Variants in KNDC1 observed in about 807,000 individuals in gnomAD.
KNDC1 encodes the protein kinase non-catalytic C-lobe domain containing 1, also known as kinase non-catalytic C-lobe domain-containing protein 1.
In KNDC1, 106 loss-of-function variants were observed where a neutral mutation model predicts 172.8. The ratio of observed to expected loss-of-function variants is 0.61; its 90% CI spans 0.52 to 0.72. KNDC1 has a LOEUF of 0.72. Ranked by LOEUF, KNDC1 falls within the 30% of genes least tolerant of loss-of-function variation. KNDC1 has a pLI of 0.00. For missense variants in KNDC1, 2,325 were observed against 2,394.5 expected, an observed-to-expected ratio of 0.97 and a Z score of 0.61; for synonymous variants, 1,083 against 1,062.2, an observed-to-expected ratio of 1.02 and a Z score of -0.38.
chr10:133,212,324 CACAT>C (rs1160807588), intron 23 of KNDC1, among the ~76,000 whole-genome samples: 1 of 152,220 alleles, frequency 6.6e-6, no homozygotes, highest in Non-Finnish European at 1.5e-5. Context: ...CGTGCACACT[CACAT>C]ACCCCCTCCA....
chr10:133,166,528 GGT>G (rs1011930159), intron 1 of KNDC1, among the ~76,000 whole-genome samples: 34 of 152,168 alleles, frequency 2.2e-4, no homozygotes, highest in African/African-American at 7.2e-4. Flanking sequence ...GTGAGTGTGA[GGT>G]GTGTGTGTGT....
intron 3 of KNDC1, among the ~76,000 whole-genome samples, chr10:133,178,491 C>T (rs907525630): frequency 6.6e-6 from 1 of 152,138 alleles, no homozygotes; most frequent in African/African-American, 2.4e-5. Context: ...GATCAGGCCC[C>T]TCTTAACACG....
intron 7 of KNDC1, 100 bp from the exon 8 acceptor site, chr10:133,189,498 G>T: frequency 8.7e-7 from 1 of 1,146,028 alleles, no homozygotes; most frequent in Non-Finnish European, 1.3e-6. Context: ...GGAGGCTGGG[G>T]GGCTGCCCGG....
At chr10:133,162,860 G>A (rs1049972677) in intron 1 of KNDC1, among the ~76,000 whole-genome samples, 3 of 152,256 alleles carry the variant, frequency 2.0e-5, no homozygotes, top group Non-Finnish European at 4.4e-5. Context: ...GGGCCCCAGA[G>A]ACACGTGGCC....
rs1247651808 is a variant in KNDC1 at position 133,198,324 on chromosome 10, C to T, written c.1907-13C>T. The T allele has an allele frequency of 1.9e-6, 3 of 1,556,768 alleles. No individual in the cohort carries two copies. Among genetic ancestry groups the T allele is most frequent in the Admixed American group, 1.8e-5 (1 of 55,190 alleles). On this transcript the variant is annotated splice_polypyrimidine_tract_variant and intron_variant, in intron 12 of 29. Transcript: ENST00000304613. ...CTCCGCCCGCCCACACCCTCAGCCC[C>T]CTGGCTCCCCAGGCTTCCTGCCGGT...
chr10:133,214,174 C>A (rs568302926), intron 26 of KNDC1, 52 bp downstream of exon 26: 14 of 1,598,322 alleles, frequency 8.8e-6, no homozygotes, highest in Non-Finnish European at 1.1e-5. Flanking sequence ...CCCACCTACG[C>A]GGGGGTGGCA....
At chr10:133,193,064 A>AAAG (rs146998487) in intron 9 of KNDC1, among the ~76,000 whole-genome samples, 3,339 of 151,108 alleles carry the variant, frequency 0.022, 45 homozygotes, top group Middle Eastern at 0.034. Context: ...TAAAAAACAA[A>AAAG]AAGAGAGAGA....
rs762192073 is a variant in KNDC1 at position 133,212,737 on chromosome 10, C to T, written c.4258C>T (p.Arg1420Ter). Reference protein sequence around the residue: ...SRKSFPWRLPRGNGLVLPPHK... With the variant: ...SRKSFPWRLP Reference sequence around the variant, plus strand: ...GCAGAGCTTCCCCTGGAGGCTGCCCCGAGGCAACGGGCTGGTGCTGCCGCC... The same window carrying T: ...GCAGAGCTTCCCCTGGAGGCTGCCCTGAGGCAACGGGCTGGTGCTGCCGCC... The change falls in exon 24 of 30, where the codon CGA becomes TGA. Residue 1420 changes from arginine (R) to a stop codon, truncating the protein, a stop_gained. Coordinates refer to ENST00000304613, the MANE Select transcript of KNDC1 (RefSeq NM_152643.8). LOFTEE classifies it high-confidence loss of function. 3.1e-6 allele frequency: 5 copies of T among 1,613,084 alleles called. No homozygotes were observed. The highest frequency in any genetic ancestry group is 1.1e-5 in the South Asian group (1 of 91,054).
Position 133,198,697 on chromosome 10 carries a change from A to T in KNDC1, c.2189A>T (p.Asp730Val). The change falls in exon 14 of 30, where the codon GAC becomes GTC. Residue 730 changes from aspartate (D) to valine (V), a missense_variant. Physicochemically the swap from Asp to Val is radical, Grantham distance 152 (BLOSUM62 -3). Transcript: ENST00000304613. ...GGGTCCCCCAGCCTGAAGACGCCTG[A>T]CGGGCCGGTGCCTGGTCCGGGGCCA... ...HAGSPSLKTP[D>V]GPVPGPGPQG... 6.3e-7 allele frequency: 1 copy of T among 1,580,174 alleles called. No individual in the cohort carries two copies. Among genetic ancestry groups the T allele is most frequent in the Non-Finnish European group, 8.6e-7 (1 of 1,164,008 alleles).
Position 133,167,452 on chromosome 10 carries a change from G to A in KNDC1, c.174G>A (p.Val58=), listed in dbSNP as rs371195142. 1.3e-5 allele frequency: 21 copies of A among 1,605,998 alleles called. No homozygotes were observed. Among genetic ancestry groups the A allele is most frequent in the Non-Finnish European group, 1.6e-5 (19 of 1,177,488 alleles). Residue 58 remains valine (V), a synonymous_variant, in exon 2 of 30, where the codon GTG becomes GTA. Coordinates refer to ENST00000304613, the MANE Select transcript of KNDC1 (RefSeq NM_152643.8). The part of the protein sequence containing the change: ...RGLSEQEAWA[V]CLECSLSMRS... ...TCAGCGAGCAGGAAGCCTGGGCCGT[G>A]TGCCTGGAGTGCAGCCTGTCCATGC...
intron 17 of KNDC1, among the ~76,000 whole-genome samples, chr10:133,204,630 G>A (rs1008861764): frequency 8.5e-5 from 13 of 152,232 alleles, no homozygotes; most frequent in African/African-American, 1.2e-4. Flanking sequence ...CAGATAGAGC[G>A]GATTCAAGTA....
chr10:133,198,291 T>A (rs1488349145), intron 12 of KNDC1, 46 bp from the exon 13 acceptor site: 1 of 1,501,668 alleles, frequency 6.7e-7, no homozygotes, highest in Non-Finnish European at 8.9e-7. Flanking sequence ...CGGCACGTGC[T>A]GGGGCCACTC....
At chr10:133,182,914 TGTG>T (rs1355287652) in intron 3 of KNDC1, among the ~76,000 whole-genome samples, 1 of 129,920 alleles carries the variant, frequency 7.7e-6, no homozygotes, top group Non-Finnish European at 1.7e-5. Flanking sequence ...GTGCGAGCAA[TGTG>T]GGCACGGACG....
Position 133,199,562 on chromosome 10 carries a change from C to T in KNDC1, c.2863C>T (p.Leu955Phe). 1.2e-6 allele frequency: 2 copies of T among 1,613,828 alleles called. No homozygotes were observed. Among genetic ancestry groups the T allele is most frequent in the Non-Finnish European group, 1.7e-6 (2 of 1,179,994 alleles). The change falls in exon 15 of 30, where the codon CTC becomes TTC. Residue 955 changes from leucine to phenylalanine, a missense_variant. Leu to Phe is a conservative substitution (Grantham distance 22). Coordinates refer to ENST00000304613, the MANE Select transcript of KNDC1 (RefSeq NM_152643.8). ...CTGGGATGAGAAGTTGCTGCAGAAC[C>T]TCTTTAAGGTGGTCAACGGGCAGGC... ...LYWDEKLLQN[L>F]FKVVNGQASP...
At chr10:133,191,950 C>G (rs1854080070) in intron 9 of KNDC1, among the ~76,000 whole-genome samples, 1 of 152,336 alleles carries the variant, frequency 6.6e-6, no homozygotes, top group East Asian at 1.9e-4. Context: ...CCTTCCTTCC[C>G]TGCAGCGTGT....
chr10:133,213,554 C>A, intron 24 of KNDC1, 91 bp from the exon 25 acceptor site: 3 of 1,121,468 alleles, frequency 2.7e-6, no homozygotes, highest in Admixed American at 1.9e-5. Context: ...GCTGGCCCCC[C>A]AGAAAACACC....
chr10:133,211,930 A>G, intron 23 of KNDC1, 72 bp downstream of exon 23: 5 of 1,458,972 alleles, frequency 3.4e-6, no homozygotes, highest in Non-Finnish European at 3.7e-6. Flanking sequence ...CCTCAAAGAC[A>G]CAACTGGTGC....
chr10:133,179,513 G>A (rs557040171), intron 3 of KNDC1: 2 of 152,338 alleles, frequency 1.3e-5, no homozygotes, highest in South Asian at 2.1e-4. Flanking sequence ...TTCCTGAAGC[G>A]AGACTCGGGA....
chr10:133,195,608 G>A (rs1055121261), intron 9 of KNDC1, 55 bp from the exon 10 acceptor site: 2 of 1,451,954 alleles, frequency 1.4e-6, no homozygotes, highest in African/African-American at 2.9e-5. Flanking sequence ...CAGGTCTGCT[G>A]GGCACAGCAG....
Sources: allele counts gnomAD v4.1 joint callset (sites outside exome capture counted in the v4.1 genomes callset), GRCh38; gene constraint gnomAD v4.1.1; transcripts MANE v1.5; gene names NCBI Gene and HGNC (gene_info 2026-07-23, HGNC 2026-07-21).